Variants in CHST11 observed in about 807,000 individuals in gnomAD.
The protein encoded by CHST11 is C4S-1.
In CHST11, 9 loss-of-function variants were observed where a neutral mutation model predicts 30.4. The ratio of observed to expected loss-of-function variants is 0.30; its 90% CI spans 0.18 to 0.52. The LOEUF (loss-of-function observed/expected upper bound fraction) is 0.52, where lower values mean the gene tolerates loss of function less well. Among genes scored for constraint, CHST11 ranks in the 20% least tolerant of loss-of-function variants. CHST11 has a pLI of 0.97. For synonymous variants in CHST11, 152 were observed against 187.8 expected, an observed-to-expected ratio of 0.81 and a Z score of 1.56; for missense variants, 348 against 460.6, an observed-to-expected ratio of 0.76 and a Z score of 2.24.
At chr12:104,685,859 A>T (rs963530273) in intron 2 of CHST11, among the ~76,000 whole-genome samples, 3 of 152,128 alleles carry the variant, frequency 2.0e-5, no homozygotes, top group Non-Finnish European at 4.4e-5. Context: ...ATTTTATGCC[A>T]TTTATTCCTG....
At chr12:104,647,493 C>T (rs868528356) in intron 2 of CHST11, among the ~76,000 whole-genome samples, 16 of 152,194 alleles carry the variant, frequency 1.1e-4, no homozygotes, top group African/African-American at 3.6e-4. Context: ...TTATTGTAAA[C>T]ATTTAACAAT....
At chr12:104,717,778 A>G (rs1419554053) in intron 2 of CHST11, among the ~76,000 whole-genome samples, 1 of 151,288 alleles carries the variant, frequency 6.6e-6, no homozygotes, top group Non-Finnish European at 1.5e-5. Context: ...CTCAAAACAA[A>G]CAACAACAAC....
At chr12:104,478,114 C>A (rs1922263) in intron 1 of CHST11, among the ~76,000 whole-genome samples, 18,487 of 151,914 alleles carry the variant, frequency 0.12, 1,228 homozygotes, top group South Asian at 0.19. Context: ...GAGAGAAAAA[C>A]CAAAGCAAAC....
intron 1 of CHST11, among the ~76,000 whole-genome samples, chr12:104,589,214 A>G (rs2038834190): frequency 6.6e-6 from 1 of 152,074 alleles, no homozygotes; most frequent in South Asian, 2.1e-4. Flanking sequence ...AGCCTGGGCA[A>G]CATGGCGAAA....
rs1433485927 is a variant in CHST11, at chr12:104,757,272, GA to G, written c.532del (p.Ser178AlafsTer3). 6.2e-7 allele frequency: 1 copy of G among 1,614,134 alleles called. No individual in the cohort carries two copies. Among genetic ancestry groups the G allele is most frequent in the Non-Finnish European group, 8.5e-7 (1 of 1,180,042 alleles). On this transcript the variant is annotated frameshift_variant, in exon 3 of 3. Transcript: ENST00000303694. LOFTEE classifies it high-confidence loss of function. The surrounding 1 kb of genome is among the most constrained non-coding windows in gnomAD (Gnocchi z 6.5). ...GCATCCCAGAAATCAACCACCGCTTGAAAAGCTACATGAAGTTCCTGTTTGT... is the reference window on the plus strand; with the variant it reads ...GCATCCCAGAAATCAACCACCGCTTGAAAGCTACATGAAGTTCCTGTTTGT... ...YSIPEINHRL[K>X]SYMKFLFVRE...
chr12:104,578,337 G>C (rs376741882), intron 1 of CHST11, among the ~76,000 whole-genome samples: 16 of 152,244 alleles, frequency 1.1e-4, no homozygotes, highest in African/African-American at 3.1e-4. Context: ...TACACCTAAC[G>C]ATAAGTTTTC....
At chr12:104,478,410 T>A (rs2037586052) in intron 1 of CHST11, among the ~76,000 whole-genome samples, 1 of 152,192 alleles carries the variant, frequency 6.6e-6, no homozygotes, top group South Asian at 2.1e-4. Flanking sequence ...TTCCACCAGG[T>A]CCACGTCCCT....
At chr12:104,607,581 C>T (rs2039018893) in intron 2 of CHST11, among the ~76,000 whole-genome samples, 1 of 152,120 alleles carries the variant, frequency 6.6e-6, no homozygotes. Flanking sequence ...TCTCTGAAGA[C>T]ACAGCACACT....
chr12:104,697,815 T>C (rs1245936118), intron 2 of CHST11, among the ~76,000 whole-genome samples: 1 of 152,202 alleles, frequency 6.6e-6, no homozygotes, highest in East Asian at 1.9e-4. Context: ...TCCTGGAGAT[T>C]CTGGACTCAG....
intron 1 of CHST11, among the ~76,000 whole-genome samples, chr12:104,524,610 C>T (rs1003118594): frequency 1.3e-5 from 2 of 152,066 alleles, no homozygotes; most frequent in Non-Finnish European, 1.5e-5. Context: ...ACTCTTCTAC[C>T]CATCCACTCA....
intron 2 of CHST11, among the ~76,000 whole-genome samples, chr12:104,739,161 C>G (rs2040326987): frequency 6.6e-6 from 1 of 152,196 alleles, no homozygotes. Context: ...AAGAGCAGGC[C>G]TGAGCGTTCT....
intron 1 of CHST11, among the ~76,000 whole-genome samples, chr12:104,504,108 G>C: frequency 6.6e-6 from 1 of 152,110 alleles, no homozygotes; most frequent in East Asian, 1.9e-4. Context: ...TCACTCTCTA[G>C]GTCTTACCTG....
chr12:104,757,153 G>T lies in CHST11; in HGVS notation c.409G>T (p.Val137Phe). 1 of 1,614,106 alleles carries T rather than the reference G, an allele frequency of 6.2e-7. No individual in the cohort carries two copies. Among genetic ancestry groups the T allele is most frequent in the Non-Finnish European group, 8.5e-7 (1 of 1,180,032 alleles). Residue 137 changes from valine (V) to phenylalanine (F), a missense_variant, in exon 3 of 3, where the codon GTC becomes TTC. This residue lies in a region of CHST11 where 210 missense variants were observed against 287.2 expected (regional missense o/e 0.73). Transcript: ENST00000303694. This position sits in a 1 kb window ranked among gnomAD's most constrained non-coding sequence, Gnocchi z 6.5. ...ACTNWKRLMM[V>F]LTGRGKYSDP... ...CACCAACTGGAAGCGGCTCATGATGGTCCTGACCGGGCGGGGGAAGTACAG... is the reference window on the plus strand; with the variant it reads ...CACCAACTGGAAGCGGCTCATGATGTTCCTGACCGGGCGGGGGAAGTACAG...
intron 2 of CHST11, among the ~76,000 whole-genome samples, chr12:104,727,357 C>T (rs2040224722): frequency 6.6e-6 from 1 of 152,170 alleles, no homozygotes; most frequent in African/African-American, 2.4e-5. Flanking sequence ...TACAGCAAGG[C>T]CAGGGAAGTT....
intron 2 of CHST11, among the ~76,000 whole-genome samples, chr12:104,698,719 C>A (rs971573769): frequency 6.6e-6 from 1 of 152,154 alleles, no homozygotes; most frequent in African/African-American, 2.4e-5. Flanking sequence ...TTACTGGAGA[C>A]ATGATTGAAG....
intron 1 of CHST11, among the ~76,000 whole-genome samples, chr12:104,569,729 G>A (rs1213206723): frequency 6.6e-6 from 1 of 152,192 alleles, no homozygotes; most frequent in Non-Finnish European, 1.5e-5. Context: ...AGTTTATGGA[G>A]CCACAGGGGA....
rs1001467497 is a variant in CHST11, at chr12:104,600,006, C to T, written c.119-1900C>T. On this transcript the variant is annotated intron_variant, in intron 1 of 2. Coordinates refer to ENST00000303694, the MANE Select transcript of CHST11 (RefSeq NM_018413.6). The surrounding 1 kb of genome is among the most constrained non-coding windows in gnomAD (Gnocchi z 4.1). ...AGGATTTCACACCACAGTGGCCCTG[C>T]GGAAGAGTTATGACAGAGACTGCAG... is the stretch of plus-strand genomic sequence containing the variant. Among the ~76,000 whole-genome samples, 9 of 152,340 alleles carry T rather than the reference C, an allele frequency of 5.9e-5. No homozygotes were observed. Among genetic ancestry groups the T allele is most frequent in the East Asian group, 1.9e-4 (1 of 5,192 alleles).
At chr12:104,560,828 G>A (rs181255937) in intron 1 of CHST11, among the ~76,000 whole-genome samples, 5 of 152,274 alleles carry the variant, frequency 3.3e-5, no homozygotes, top group Non-Finnish European at 7.3e-5. Context: ...TGCATTTCAC[G>A]CATTCTGGGT....
chr12:104,654,468 G>A (rs2039523712), intron 2 of CHST11, among the ~76,000 whole-genome samples: 2 of 152,150 alleles, frequency 1.3e-5, no homozygotes, highest in Admixed American at 1.3e-4. Flanking sequence ...CATGGGGGAG[G>A]GCTGTGCAGT....
Sources: gnomAD v4.1 joint callset for allele counts (sites outside exome capture counted in the v4.1 genomes callset) on GRCh38, gnomAD v4.1.1 for gene constraint, gnomAD v4.1.1 regional missense constraint, Gnocchi (gnomAD v3.1) non-coding constraint, MANE v1.5 for transcripts, NCBI Gene and HGNC (gene_info 2026-07-23, HGNC 2026-07-21) for gene names.